The following IL1RAP variants were observed in gnomAD, a reference collection of about 807,000 sequenced individuals.
The protein encoded by IL1RAP is interleukin-1 receptor accessory protein.
IL1RAP carries 35 observed loss-of-function variants against 60.7 expected under a neutral mutation model. The ratio of observed to expected loss-of-function variants is 0.58; its 90% confidence interval spans 0.44 to 0.76. IL1RAP has a LOEUF of 0.76. Among genes scored for constraint, IL1RAP ranks in the 30% least tolerant of loss-of-function variants. The probability of loss-of-function intolerance (pLI) is 0.00; values close to 1 mark genes in which losing one functional copy is unlikely to be tolerated. For synonymous variants in IL1RAP, 268 were observed against 250.9 expected (o/e 1.07, Z -0.64); for missense variants, 572 against 693.9 (o/e 0.82, Z 1.97).
At chr3:190,614,351 C>G (rs1352875545) in intron 5 of IL1RAP, among the ~76,000 whole-genome samples, 2 of 151,856 alleles carry the variant, frequency 1.3e-5, no homozygotes, top group Admixed American at 6.6e-5. Context: ...AAAGAGGAAA[C>G]TAATATTTCT....
intron 10 of IL1RAP, 89 bp from the exon 11 acceptor site, chr3:190,645,610 G>A (rs1055357671): frequency 4.2e-5 from 43 of 1,022,234 alleles, no homozygotes; most frequent in Non-Finnish European, 5.6e-5. Context: ...TAATGAAAAT[G>A]TCTAATATGC....
At chr3:190,600,478 A>G (rs1560202610) in intron 3 of IL1RAP, among the ~76,000 whole-genome samples, 1 of 152,184 alleles carries the variant, frequency 6.6e-6, no homozygotes, top group African/African-American at 2.4e-5. Context: ...TAGATTATTG[A>G]TATTGGTAAT....
At position 190,589,230 on chromosome 3, in the gene IL1RAP, A is replaced by C. The variant is rs534963584; in HGVS notation, c.65-14898A>C. 3.3e-4 allele frequency among the ~76,000 whole-genome samples: 50 copies of C among 152,204 alleles called. 1 individual carries two copies. In the South Asian group the frequency reaches 9.7e-3, roughly 30 times the overall value. Reference sequence around the variant, plus strand: ...AGACCCTGCTTCTTTCCTTGGGAGGAGATACTGTTCTCTAGGTGAGTGACC... The same window carrying C: ...AGACCCTGCTTCTTTCCTTGGGAGGCGATACTGTTCTCTAGGTGAGTGACC... On this transcript the variant is annotated intron_variant, in intron 3 of 11. Transcript: ENST00000447382.
Position 190,649,918 on chromosome 3 carries a change from A to T in IL1RAP, c.*1213A>T. 1.0e-6 allele frequency: 1 copy of T among 952,990 alleles called. No individual in the cohort carries two copies. Among genetic ancestry groups the T allele is most frequent in the Non-Finnish European group, 1.2e-6 (1 of 800,428 alleles). The allele number at this position is 952,990 out of a possible 1,614,324, so 59.0% of individuals were successfully genotyped here. ...AGAGTTTACAGAGTGGTAAATATCT[A>T]TGTTACATGTAGATTATACATATAT... On this transcript the variant is annotated 3_prime_UTR_variant, in exon 12 of 12. Transcript: ENST00000447382.
chr3:190,607,104 C>T (rs1730395543), intron 4 of IL1RAP, among the ~76,000 whole-genome samples: 1 of 152,118 alleles, frequency 6.6e-6, no homozygotes, highest in Admixed American at 6.6e-5. Context: ...CACAAGTCAT[C>T]TTTAACACCC....
chr3:190,560,792 T>C (rs1373363745), intron 2 of IL1RAP, among the ~76,000 whole-genome samples: 1 of 152,182 alleles, frequency 6.6e-6, no homozygotes, highest in Admixed American at 6.5e-5. Context: ...AAAAGTTTCA[T>C]ATGCGGAAGT....
chr3:190,633,118 A>G (rs1381818143), intron 9 of IL1RAP, among the ~76,000 whole-genome samples: 1 of 152,092 alleles, frequency 6.6e-6, no homozygotes, highest in Non-Finnish European at 1.5e-5. Flanking sequence ...CAGTTTGTCC[A>G]TTTCTACATA....
At chr3:190,518,302 A>G (rs903845184) in intron 1 of IL1RAP, among the ~76,000 whole-genome samples, 2 of 152,162 alleles carry the variant, frequency 1.3e-5, no homozygotes, top group Non-Finnish European at 2.9e-5. Context: ...TTAAGTCCCT[A>G]TTTATTTCAA....
intron 3 of IL1RAP, among the ~76,000 whole-genome samples, chr3:190,576,353 A>T (rs114076144): frequency 0.011 from 1,566 of 149,056 alleles, 26 homozygotes; most frequent in African/African-American, 0.035. Flanking sequence ...GGTTAATGTC[A>T]TCAGAATGCA....
intron 9 of IL1RAP, among the ~76,000 whole-genome samples, chr3:190,630,814 C>T (rs751240305): frequency 5.4e-4 from 82 of 152,282 alleles, no homozygotes; most frequent in Non-Finnish European, 1.0e-3. Flanking sequence ...GGTTTCTGCA[C>T]ATCCTAACTC....
At chr3:190,634,363 A>G (rs1044956701) in intron 9 of IL1RAP, among the ~76,000 whole-genome samples, 23 of 147,716 alleles carry the variant, frequency 1.6e-4, no homozygotes, top group Non-Finnish European at 3.3e-4. Flanking sequence ...ATCTCGGCTC[A>G]GTGCAACCTC....
At chr3:190,552,342 A>G (rs1724936643) in intron 1 of IL1RAP, among the ~76,000 whole-genome samples, 1 of 152,186 alleles carries the variant, frequency 6.6e-6, no homozygotes, top group Admixed American at 6.5e-5. Flanking sequence ...GAAAAACCAT[A>G]TAATACCTTT....
intron 3 of IL1RAP, among the ~76,000 whole-genome samples, chr3:190,568,961 T>C (rs1726667503): frequency 6.6e-6 from 1 of 152,200 alleles, no homozygotes; most frequent in Non-Finnish European, 1.5e-5. Flanking sequence ...AATTACCAAA[T>C]AGAATTCCGT....
intron 1 of IL1RAP, among the ~76,000 whole-genome samples, chr3:190,534,002 A>T (rs1723215455): frequency 6.6e-6 from 1 of 150,956 alleles, no homozygotes; most frequent in Non-Finnish European, 1.5e-5. Context: ...CTTACTACTC[A>T]TCTGAAAGCT....
chr3:190,551,363 C>A (rs773704374), intron 1 of IL1RAP, among the ~76,000 whole-genome samples: 1 of 152,178 alleles, frequency 6.6e-6, no homozygotes, highest in Non-Finnish European at 1.5e-5. Flanking sequence ...CTGATGCAAA[C>A]GACTATATTG....
intron 1 of IL1RAP, among the ~76,000 whole-genome samples, chr3:190,552,910 G>T (rs1724989070): frequency 6.6e-6 from 1 of 152,184 alleles, no homozygotes; most frequent in Admixed American, 6.5e-5. Flanking sequence ...TAATTAAGCT[G>T]AGCGGTCCTT....
At chr3:190,535,925 T>C (rs1181042514) in intron 1 of IL1RAP, among the ~76,000 whole-genome samples, 2 of 152,228 alleles carry the variant, frequency 1.3e-5, no homozygotes, top group Non-Finnish European at 2.9e-5. Flanking sequence ...TATTCCATGC[T>C]ACACTGCTAT....
chr3:190,546,248 T>C (rs1241459562), intron 1 of IL1RAP, among the ~76,000 whole-genome samples: 1 of 152,176 alleles, frequency 6.6e-6, no homozygotes, highest in Non-Finnish European at 1.5e-5. Context: ...TGGCAAAAAG[T>C]ATGGCTTGTT....
chr3:190,566,618 G>T (rs200699590), intron 3 of IL1RAP, among the ~76,000 whole-genome samples: 2 of 152,290 alleles, frequency 1.3e-5, no homozygotes, highest in East Asian at 3.9e-4. Context: ...TTGCGTCACC[G>T]TGGGAGCAGG....
Sources: gnomAD v4.1 joint callset for allele counts (sites outside exome capture counted in the v4.1 genomes callset) on GRCh38, gnomAD v4.1.1 for gene constraint, MANE v1.5 for transcripts, NCBI Gene and HGNC (gene_info 2026-07-23, HGNC 2026-07-21) for gene names.